The following BORCS5 variants were observed in gnomAD, a reference collection of about 807,000 sequenced individuals.
The protein encoded by BORCS5 is BLOC-1-related complex subunit 5.
BORCS5 carries 17 observed loss-of-function variants against 22.1 expected under a neutral mutation model. The ratio of observed to expected loss-of-function variants is 0.77; its 90% CI spans 0.53 to 1.15. BORCS5 has a LOEUF of 1.15. BORCS5 is among the 50% of genes most tolerant of loss of function. The pLI, the probability that BORCS5 is intolerant of heterozygous loss-of-function variation, is 0.00. For synonymous variants in BORCS5, 117 were observed against 99.8 expected, an observed-to-expected ratio of 1.17 and a Z score of -1.03; for missense variants, 247 against 253.2, an observed-to-expected ratio of 0.98 and a Z score of 0.17.
chr12:12,403,348 G>A (rs138304014), intron 2 of BORCS5, among the ~76,000 whole-genome samples: 1 of 152,222 alleles, frequency 6.6e-6, no homozygotes, highest in East Asian at 1.9e-4. Flanking sequence ...GGATTATTTG[G>A]CTGTTTCACT....
chr12:12,370,952 T>C (rs1420832811), intron 2 of BORCS5, among the ~76,000 whole-genome samples: 1 of 152,152 alleles, frequency 6.6e-6, no homozygotes, highest in African/African-American at 2.4e-5. Flanking sequence ...GATTTCACTG[T>C]GTTAGCCAGG....
chr12:12,423,428 A>C (rs1942193293), intron 2 of BORCS5, among the ~76,000 whole-genome samples: 26 of 110,806 alleles, frequency 2.3e-4, no homozygotes, highest in South Asian at 6.1e-4. Context: ...GTATTAAGAA[A>C]CTCCCTCAGC....
chr12:12,468,304 A>G lies in BORCS5; in HGVS notation c.*2528A>G, dbSNP rs1412842156. On this transcript the variant is annotated 3_prime_UTR_variant, in exon 4 of 4. Coordinates refer to ENST00000314565, the MANE Select transcript of BORCS5 (RefSeq NM_058169.6). Reference sequence around the variant, plus strand: ...CCCTCTCATGTTTTGCTATTTCCTGATGGAACCTGGGAGTCTGAGTGATTT... The same window carrying G: ...CCCTCTCATGTTTTGCTATTTCCTGGTGGAACCTGGGAGTCTGAGTGATTT... 2.6e-5 allele frequency: 4 copies of G among 152,110 alleles called. No homozygotes were observed. The highest frequency in any genetic ancestry group is 2.6e-4 in the Admixed American group (4 of 15,266). The allele number at this position is 152,110 out of a possible 1,614,324, so 9.4% of individuals were successfully genotyped here.
intron 2 of BORCS5, among the ~76,000 whole-genome samples, chr12:12,376,187 G>A (rs1863647009): frequency 1.3e-5 from 2 of 151,532 alleles, no homozygotes; most frequent in East Asian, 3.9e-4. Flanking sequence ...GTTTTGATTT[G>A]CAGGATTTTC....
intron 2 of BORCS5, among the ~76,000 whole-genome samples, chr12:12,367,961 G>A (rs908303668): frequency 2.0e-5 from 3 of 152,258 alleles, no homozygotes; most frequent in African/African-American, 7.2e-5. Context: ...TTTCAATTCA[G>A]TTGCCCTCTT....
chr12:12,357,633 TA>T, intron 1 of BORCS5, 124 bp downstream of exon 1: 1 of 1,026,508 alleles, frequency 9.7e-7, no homozygotes, highest in Non-Finnish European at 1.3e-6. Flanking sequence ...ACCGTGCTAG[TA>T]GGAAAAAAAA....
intron 2 of BORCS5, among the ~76,000 whole-genome samples, chr12:12,390,675 A>G (rs1358068608): frequency 6.6e-6 from 1 of 150,756 alleles, no homozygotes; most frequent in Non-Finnish European, 1.5e-5. Flanking sequence ...AGCCTCAGCT[A>G]CTTGGGAGGC....
At chr12:12,409,985 GA>G (rs1941686360) in intron 2 of BORCS5, among the ~76,000 whole-genome samples, 1 of 152,194 alleles carries the variant, frequency 6.6e-6, no homozygotes, top group Admixed American at 6.5e-5. Flanking sequence ...GGCCAGTGAT[GA>G]TGAGCATTTT....
Position 12,452,170 on chromosome 12 carries a change from C to T in BORCS5, c.361-13376C>T, listed in dbSNP as rs1293545149. ...CCAATGTTAATATTTCTTGGGATCT[C>T]AGGAAGATTCACATTTTTTACAGCT... On this transcript the variant is annotated intron_variant, in intron 3 of 3. Coordinates refer to ENST00000314565, the MANE Select transcript of BORCS5 (RefSeq NM_058169.6). 4 of 577,230 alleles carry T rather than the reference C, an allele frequency of 6.9e-6. No homozygotes were observed. The African/African-American group carries it at 7.6e-5, about 11-fold the overall frequency. The allele number at this position is 577,230 out of a possible 1,614,324, so 35.8% of individuals were successfully genotyped here.
chr12:12,390,892 C>A (rs1941160336), intron 2 of BORCS5, among the ~76,000 whole-genome samples: 1 of 152,016 alleles, frequency 6.6e-6, no homozygotes, highest in Admixed American at 6.6e-5. Flanking sequence ...CAGGCATAAG[C>A]CACCACGCCC....
chr12:12,469,337 C>T lies in BORCS5; in HGVS notation c.*3561C>T, dbSNP rs1389163822. 6.6e-6 allele frequency: 1 copy of T among 152,232 alleles called. No homozygotes were observed. The highest frequency in any genetic ancestry group is 2.4e-5 in the African/African-American group (1 of 41,466). 9.4% of individuals were successfully genotyped at this position (152,232 alleles called of 1,614,324 possible). The stretch of plus-strand genomic sequence containing the variant: ...TGCCATTGCACTCTGGCCTGGGTAA[C>T]AAGAGTGAAACTCCGTTTAGAAATG... On this transcript the variant is annotated 3_prime_UTR_variant, in exon 4 of 4. Transcript: ENST00000314565.
At chr12:12,437,240 T>C (rs1301161261) in intron 3 of BORCS5, among the ~76,000 whole-genome samples, 1 of 152,226 alleles carries the variant, frequency 6.6e-6, no homozygotes, top group Non-Finnish European at 1.5e-5. Context: ...CTGATAGTTT[T>C]GTAAAGGGGA....
intron 3 of BORCS5, among the ~76,000 whole-genome samples, chr12:12,447,236 C>T (rs1389763470): frequency 6.6e-6 from 1 of 152,212 alleles, no homozygotes; most frequent in Non-Finnish European, 1.5e-5. Flanking sequence ...CACTCCTGCT[C>T]CCTGACTTCT....
At chr12:12,432,075 G>T (rs1476198553) in intron 2 of BORCS5, among the ~76,000 whole-genome samples, 1 of 152,164 alleles carries the variant, frequency 6.6e-6, no homozygotes, top group Non-Finnish European at 1.5e-5. Flanking sequence ...GAGGAAAAAG[G>T]CTTCCTGGGG....
chr12:12,440,988 G>A (rs1291406400), intron 3 of BORCS5, among the ~76,000 whole-genome samples: 1 of 152,142 alleles, frequency 6.6e-6, no homozygotes, highest in African/African-American at 2.4e-5. Context: ...AGGATGAGGG[G>A]GAAGAGGCAG....
chr12:12,432,738 C>G (rs1942460317), intron 2 of BORCS5, among the ~76,000 whole-genome samples: 1 of 152,164 alleles, frequency 6.6e-6, no homozygotes, highest in South Asian at 2.1e-4. Context: ...AGACACATCT[C>G]TAAAGTTTTA....
intron 2 of BORCS5, among the ~76,000 whole-genome samples, chr12:12,364,841 C>T (rs1344810883): frequency 4.6e-5 from 7 of 152,072 alleles, no homozygotes; most frequent in Non-Finnish European, 8.8e-5. Flanking sequence ...GTGGTGGGCA[C>T]CTGTAGTTCC....
chr12:12,452,050 A>G (rs1942921570), intron 3 of BORCS5: 1 of 403,018 alleles, frequency 2.5e-6, no homozygotes, highest in African/African-American at 2.1e-5. Context: ...TTTTTGGTAA[A>G]CTTACGTGAC....
chr12:12,402,938 T>C (rs1941510291), intron 2 of BORCS5, among the ~76,000 whole-genome samples: 1 of 152,246 alleles, frequency 6.6e-6, no homozygotes, highest in Non-Finnish European at 1.5e-5. Context: ...CATAGTTTTA[T>C]ACTTGGTGCC....
Sources: allele counts gnomAD v4.1 joint callset (sites outside exome capture counted in the v4.1 genomes callset), GRCh38; gene constraint gnomAD v4.1.1; transcripts MANE v1.5; gene names NCBI Gene and HGNC (gene_info 2026-07-23, HGNC 2026-07-21).